Variants in NYAP2 observed in about 807,000 individuals in gnomAD.
NYAP2 encodes the protein neuronal tyrosine-phosphorylated phosphoinositide-3-kinase adaptor 2, also known as neuronal tyrosine-phosphorylated phosphoinositide-3-kinase adapter 2.
In NYAP2, 23 loss-of-function variants were observed where a neutral mutation model predicts 50.4. That is an observed-to-expected ratio of 0.46 (90% confidence interval 0.33 to 0.65). The LOEUF is 0.65. Among genes scored for constraint, NYAP2 ranks in the 30% least tolerant of loss-of-function variants. The pLI is 0.02. For missense variants in NYAP2, 885 were observed against 861.0 expected, an observed-to-expected ratio of 1.03 and a Z score of -0.35; for synonymous variants, 394 against 365.2, an observed-to-expected ratio of 1.08 and a Z score of -0.90.
chr2:225,482,963 A>G (rs1690231101), intron 3 of NYAP2, among the ~76,000 whole-genome samples: 1 of 152,148 alleles, frequency 6.6e-6, no homozygotes, highest in South Asian at 2.1e-4. Flanking sequence ...CAGCTGGTAA[A>G]TATTGTACTT....
intron 6 of NYAP2, among the ~76,000 whole-genome samples, chr2:225,649,381 T>A (rs1213538253): frequency 6.6e-6 from 1 of 152,188 alleles, no homozygotes; most frequent in Non-Finnish European, 1.5e-5. Context: ...TTGCTGCCCA[T>A]TCAGTCCTTT....
chr2:225,603,718 T>C (rs1007887273), intron 5 of NYAP2, among the ~76,000 whole-genome samples: 2 of 152,206 alleles, frequency 1.3e-5, no homozygotes, highest in African/African-American at 4.8e-5. Flanking sequence ...CCCATTCCAG[T>C]GAACTGGTTC....
chr2:225,612,855 C>CCAA (rs1277985514), intron 5 of NYAP2, among the ~76,000 whole-genome samples: 15 of 149,904 alleles, frequency 1.0e-4, no homozygotes, highest in South Asian at 6.3e-4. Context: ...GACATCACAT[C>CCAA]TGGGTCTAGA....
At chr2:225,676,582 A>G in the NYAP2 span, among the ~76,000 whole-genome samples, 1 of 152,258 alleles carries the variant, frequency 6.6e-6, no homozygotes, top group African/African-American at 2.4e-5. Flanking sequence ...GATGGCAGCA[A>G]GCAAAGAGAG....
chr2:225,620,906 G>A (rs1195491085), intron 5 of NYAP2, among the ~76,000 whole-genome samples: 1 of 152,072 alleles, frequency 6.6e-6, no homozygotes, highest in Non-Finnish European at 1.5e-5. Flanking sequence ...ACGAGGGCGG[G>A]AGATCGAGAC....
the NYAP2 span, among the ~76,000 whole-genome samples, chr2:225,687,572 A>C: frequency 6.6e-6 from 1 of 152,162 alleles, no homozygotes; most frequent in Admixed American, 6.5e-5. Flanking sequence ...CACTTTTGCA[A>C]TTTTATTTCT....
chr2:225,506,809 C>T (rs1478381853), intron 3 of NYAP2, among the ~76,000 whole-genome samples: 1 of 152,140 alleles, frequency 6.6e-6, no homozygotes, highest in Non-Finnish European at 1.5e-5. Context: ...CAAATCTCAT[C>T]CTCTTCTTTA....
intron 3 of NYAP2, among the ~76,000 whole-genome samples, chr2:225,512,672 G>T (rs1042827181): frequency 1.4e-4 from 17 of 122,388 alleles, no homozygotes; most frequent in African/African-American, 4.7e-4. Context: ...ATCTTTCTTT[G>T]CTTGTCTTGC....
intron 4 of NYAP2, among the ~76,000 whole-genome samples, chr2:225,577,410 C>T (rs761967969): frequency 6.6e-6 from 1 of 151,936 alleles, no homozygotes; most frequent in Admixed American, 6.6e-5. Context: ...GTATGTAACT[C>T]AAGACTATTT....
chr2:225,570,782 A>G (rs1692055766), intron 4 of NYAP2, among the ~76,000 whole-genome samples: 2 of 152,156 alleles, frequency 1.3e-5, no homozygotes, highest in South Asian at 2.1e-4. Context: ...ATGCATAATC[A>G]TGCCTTCCCA....
intron 3 of NYAP2, among the ~76,000 whole-genome samples, chr2:225,418,521 A>T (rs1695161586): frequency 6.6e-6 from 1 of 152,144 alleles, no homozygotes. Flanking sequence ...CTCTGAAGGT[A>T]GAATTGACAG....
intron 3 of NYAP2, among the ~76,000 whole-genome samples, chr2:225,508,823 C>A (rs560829864): frequency 6.6e-6 from 1 of 152,274 alleles, no homozygotes; most frequent in South Asian, 2.1e-4. Context: ...AATGCTGCAC[C>A]AGATTTGGAA....
downstream of NYAP2, among the ~76,000 whole-genome samples, chr2:225,654,211 C>G (rs1693787314): frequency 6.6e-6 from 1 of 152,066 alleles, no homozygotes; most frequent in Non-Finnish European, 1.5e-5. Context: ...AATGACTACT[C>G]ATACCTAAAC....
intron 4 of NYAP2, among the ~76,000 whole-genome samples, chr2:225,570,520 C>T (rs2106221500): frequency 6.6e-6 from 1 of 152,246 alleles, no homozygotes; most frequent in East Asian, 1.9e-4. Context: ...CACAGGGCAG[C>T]AGGAGAGAGA....
At chr2:225,588,269 T>C (rs1273526887) in intron 5 of NYAP2, among the ~76,000 whole-genome samples, 2 of 152,134 alleles carry the variant, frequency 1.3e-5, no homozygotes, top group Non-Finnish European at 2.9e-5. Flanking sequence ...TTTAAAATTA[T>C]AGATATAAAT....
At chr2:225,614,401 A>T (rs946514732) in intron 5 of NYAP2, among the ~76,000 whole-genome samples, 1 of 152,230 alleles carries the variant, frequency 6.6e-6, no homozygotes, top group African/African-American at 2.4e-5. Flanking sequence ...CCTCATTCAA[A>T]TTAATACAAA....
the NYAP2 span, among the ~76,000 whole-genome samples, chr2:225,664,133 CAAG>C: frequency 6.6e-6 from 1 of 152,000 alleles, no homozygotes; most frequent in African/African-American, 2.4e-5. Flanking sequence ...TGGGGAAAGT[CAAG>C]TTAAGTAAAT....
At chr2:225,697,040 T>C in the NYAP2 span, among the ~76,000 whole-genome samples, 1 of 151,972 alleles carries the variant, frequency 6.6e-6, no homozygotes, top group Admixed American at 6.6e-5. Context: ...TGCACTATTT[T>C]AATGCTTCAA....
chr2:225,588,634 T>C (rs1001328791), intron 5 of NYAP2, among the ~76,000 whole-genome samples: 1 of 152,272 alleles, frequency 6.6e-6, no homozygotes, highest in Non-Finnish European at 1.5e-5. Context: ...TTGGAAAAAG[T>C]ATTTTTAAAT....
Sources: gnomAD v4.1 joint callset for allele counts (sites outside exome capture counted in the v4.1 genomes callset) on GRCh38, gnomAD v4.1.1 for gene constraint, MANE v1.5 for transcripts, NCBI Gene and HGNC (gene_info 2026-07-23, HGNC 2026-07-21) for gene names.